ADAMTS20: variants seen among roughly 807,000 people sequenced by gnomAD.
ADAMTS20 encodes the protein ADAM metallopeptidase with thrombospondin type 1 motif 20.
A neutral mutation model predicts 260.1 loss-of-function variants in ADAMTS20; 225 were observed. The ratio of observed to expected loss-of-function variants is 0.87; its 90% CI spans 0.78 to 0.97. The LOEUF is 0.97. Among genes scored for constraint, ADAMTS20 ranks in the 50% least tolerant of loss-of-function variants. The probability of loss-of-function intolerance (pLI) is 0.00; values close to 1 mark genes in which losing one functional copy is unlikely to be tolerated. For missense variants in ADAMTS20, 2,400 were observed against 2,337.7 expected (o/e 1.03, Z -0.55); for synonymous variants, 802 against 769.5 (o/e 1.04, Z -0.70).
At chr12:43,483,488 C>A (rs945822904) in intron 7 of ADAMTS20, among the ~76,000 whole-genome samples, 6 of 152,136 alleles carry the variant, frequency 3.9e-5, no homozygotes, top group Admixed American at 3.9e-4. Flanking sequence ...CTGTGGACAG[C>A]CTTACTGGAG....
In ADAMTS20 at chr12:43,435,830, T is replaced by C. The variant is rs1941544430; in HGVS notation, c.2594-1459A>G. Among the ~76,000 whole-genome samples, 3 of 152,002 alleles carry C rather than the reference T, an allele frequency of 2.0e-5. No homozygotes were observed. In the South Asian group the frequency reaches 6.2e-4, roughly 31 times the overall value. ...AAGATTTGGTGGTTTGCATGCAGGA[T>C]AACTACAGCAAAAGCAAACTAAGAG... On this transcript the variant is annotated intron_variant, in intron 18 of 38. Transcript: ENST00000389420.
At chr12:43,494,309 C>G (rs750339762) in intron 4 of ADAMTS20, among the ~76,000 whole-genome samples, 1 of 152,130 alleles carries the variant, frequency 6.6e-6, no homozygotes, top group Non-Finnish European at 1.5e-5. Context: ...AGGCCCTGAC[C>G]TTATGAAGCT....
In ADAMTS20 at chr12:43,480,798, G is replaced by A. The variant is rs548542076; in HGVS notation, c.1117+9597C>T. Among the ~76,000 whole-genome samples, 97 of 152,262 alleles carry A rather than the reference G, an allele frequency of 6.4e-4. 2 individuals are homozygous for A. Among genetic ancestry groups the A allele is most frequent in the African/African-American group, 2.2e-3 (91 of 41,568 alleles). The stretch of plus-strand genomic sequence containing the variant: ...AGAAGAATGGTGGTTTCCACATGCT[G>A]AGGGAGTGTGGGCAGATATTAGAGG... On this transcript the variant is annotated intron_variant, in intron 7 of 38. Transcript: ENST00000389420.
At chr12:43,543,659 G>A (rs900302754) in intron 2 of ADAMTS20, among the ~76,000 whole-genome samples, 5 of 152,334 alleles carry the variant, frequency 3.3e-5, no homozygotes, top group South Asian at 4.1e-4. Context: ...GACAAGATGA[G>A]TATGTTTGAT....
chr12:43,431,441 T>C lies in ADAMTS20; in HGVS notation c.3152A>G (p.Asn1051Ser). ...GAAGCCATCACTCAAGTGATCTACA[T>C]TCAGCTGACACCATACCTGCCGCTG... ...TKQRQVWCQL[N>S]VDHLSDGFCN... Residue 1051 changes from asparagine (N) to serine (S), a missense_variant, in exon 22 of 39, where the codon AAT becomes AGT. Physicochemically the swap from Asn to Ser is conservative, Grantham distance 46. Coordinates refer to ENST00000389420, the MANE Select transcript of ADAMTS20 (RefSeq NM_025003.5). The C allele has an allele frequency of 6.2e-7, 1 of 1,614,000 alleles. No homozygotes were observed. Among genetic ancestry groups the C allele is most frequent in the Non-Finnish European group, 8.5e-7 (1 of 1,179,870 alleles).
chr12:43,395,104 G>T (rs1349097502), intron 29 of ADAMTS20, among the ~76,000 whole-genome samples: 1 of 152,088 alleles, frequency 6.6e-6, no homozygotes, highest in Non-Finnish European at 1.5e-5. Context: ...TAAAGGAGGA[G>T]CATTAACAGA....
At chr12:43,535,466 TA>T (rs1943282379) in intron 2 of ADAMTS20, among the ~76,000 whole-genome samples, 1 of 152,160 alleles carries the variant, frequency 6.6e-6, no homozygotes, top group African/African-American at 2.4e-5. Context: ...ATCATTAACC[TA>T]ATTATAATTA....
intron 4 of ADAMTS20, among the ~76,000 whole-genome samples, chr12:43,500,045 TTGA>T (rs1480754640): frequency 6.6e-6 from 1 of 151,788 alleles, no homozygotes; most frequent in Non-Finnish European, 1.5e-5. Flanking sequence ...TTTTTTTTTT[TTGA>T]GAGAGAGTCT....
chr12:43,405,417 C>CTAATAATAATAA (rs66970122), intron 28 of ADAMTS20, among the ~76,000 whole-genome samples: 3 of 135,766 alleles, frequency 2.2e-5, no homozygotes, highest in Non-Finnish European at 4.7e-5. Context: ...GACGTCTTCT[C>CTAATAATAATAA]TAATAATAAT....
At chr12:43,507,492 G>T (rs1942863462) in intron 3 of ADAMTS20, among the ~76,000 whole-genome samples, 1 of 152,120 alleles carries the variant, frequency 6.6e-6, no homozygotes, top group Admixed American at 6.5e-5. Context: ...TCTAGCAGAA[G>T]AACAAATCCC....
chr12:43,436,092 A>G (rs2137317338), intron 18 of ADAMTS20, among the ~76,000 whole-genome samples: 1 of 152,350 alleles, frequency 6.6e-6, no homozygotes, highest in South Asian at 2.1e-4. Context: ...AAAAAAGGAA[A>G]AGAAAAAAAA....
At chr12:43,446,483 T>C (rs1941762714) in intron 15 of ADAMTS20, 112 bp downstream of exon 15, 1 of 722,974 alleles carries the variant, frequency 1.4e-6, no homozygotes, top group African/African-American at 1.8e-5. Flanking sequence ...CATTTTGGAC[T>C]AAGGGTATAG....
chr12:43,502,574 CA>C (rs1365497243), intron 3 of ADAMTS20, among the ~76,000 whole-genome samples, 169 bp from the exon 4 acceptor site: 2 of 152,054 alleles, frequency 1.3e-5, no homozygotes, highest in Non-Finnish European at 2.9e-5. Context: ...ACAGCATTAT[CA>C]TGAAGATTGC....
At chr12:43,417,858 C>G (rs1941160927) in intron 28 of ADAMTS20, among the ~76,000 whole-genome samples, 1 of 152,088 alleles carries the variant, frequency 6.6e-6, no homozygotes, top group Non-Finnish European at 1.5e-5. Flanking sequence ...AGAAGGAGAC[C>G]ATCACTCTGT....
At chr12:43,543,233 C>T (rs972973778) in intron 2 of ADAMTS20, among the ~76,000 whole-genome samples, 2 of 152,004 alleles carry the variant, frequency 1.3e-5, no homozygotes, top group Admixed American at 6.6e-5. Context: ...GTATTTGAGC[C>T]CAAGAGTTCA....
rs115906373 is a variant in ADAMTS20 at position 43,362,658 on chromosome 12, C to A, written c.5539-6070G>T. Among the ~76,000 whole-genome samples the A allele has an allele frequency of 4.7e-3, 714 of 151,936 alleles. 4 individuals carry two copies. The highest frequency in any genetic ancestry group is 0.016 in the African/African-American group (675 of 41,440). On this transcript the variant is annotated intron_variant, in intron 37 of 38. Coordinates refer to ENST00000389420, the MANE Select transcript of ADAMTS20 (RefSeq NM_025003.5). Reference sequence around the variant, plus strand: ...CTCTGAAATTTGTTCTATGGTTATACGGAAAAGGGAGAAACATTTATTCAA... The same window carrying A: ...CTCTGAAATTTGTTCTATGGTTATAAGGAAAAGGGAGAAACATTTATTCAA...
In ADAMTS20 at chr12:43,372,044, G is replaced by T. The variant is rs1296425123; in HGVS notation, c.5447-2663C>A. ...AGAAGTTCAGTTTTGGATACATTGA[G>T]TTTGACATGCCTATTAGACATTCAT... On this transcript the variant is annotated intron_variant, in intron 36 of 38. Coordinates refer to ENST00000389420, the MANE Select transcript of ADAMTS20 (RefSeq NM_025003.5). Among the ~76,000 whole-genome samples the T allele has an allele frequency of 2.0e-5, 3 of 152,294 alleles. 1 individual carries two copies. The highest frequency in any genetic ancestry group is 1.5e-5 in the Non-Finnish European group (1 of 68,018).
intron 3 of ADAMTS20, among the ~76,000 whole-genome samples, chr12:43,513,490 A>G (rs756266389): frequency 1.6e-4 from 25 of 152,194 alleles, no homozygotes; most frequent in Non-Finnish European, 3.1e-4. Context: ...TAACGTCTAC[A>G]CTTGAAGAGC....
rs532486412 is a variant in ADAMTS20 at position 43,487,898 on chromosome 12, T to C, written c.1117+2497A>G. ...AATATGGTCCCATAAAATGGTGGCA[T>C]GATGTTGCAGACTCAAGTGCATACC... On this transcript the variant is annotated intron_variant, in intron 7 of 38. Coordinates refer to ENST00000389420, the MANE Select transcript of ADAMTS20 (RefSeq NM_025003.5). 4.1e-4 allele frequency among the ~76,000 whole-genome samples: 62 copies of C among 152,276 alleles called. No homozygotes were observed. In the South Asian group the frequency reaches 0.012, roughly 28 times the overall value.
Sources: gnomAD v4.1 joint callset for allele counts (sites outside exome capture counted in the v4.1 genomes callset) on GRCh38, gnomAD v4.1.1 for gene constraint, MANE v1.5 for transcripts, NCBI Gene and HGNC (gene_info 2026-07-23, HGNC 2026-07-21) for gene names.